Variants in MYO10 observed in about 807,000 individuals in gnomAD.
MYO10 encodes the protein unconventional myosin-X.
Under a neutral mutation model 257.3 loss-of-function variants are expected in MYO10, and 133 were observed. The observed-to-expected ratio is 0.52, with a 90% CI of 0.45 to 0.60. The LOEUF (loss-of-function observed/expected upper bound fraction) is 0.60. MYO10 is among the 20% of genes least tolerant of loss of function. The pLI, the probability that MYO10 is intolerant of heterozygous loss-of-function variation, is 0.00. For missense variants in MYO10, 2,399 were observed against 2,635.7 expected, an observed-to-expected ratio of 0.91 and a Z score of 1.97; for synonymous variants, 1,104 against 1,028.6, an observed-to-expected ratio of 1.07 and a Z score of -1.40.
rs1022247545 is a variant in MYO10 at position 16,780,829 on chromosome 5, C to T, written c.728-88G>A. On this transcript the variant is annotated intron_variant, in intron 6 of 40. Coordinates refer to ENST00000513610, the MANE Select transcript of MYO10 (RefSeq NM_012334.3). The stretch of plus-strand genomic sequence containing the variant: ...GTCTTTCATTTTCTATTCTTTGGTG[C>T]TCAAATAATTACAGTTCCCTGTTCC... 50 of 1,311,098 alleles carry T rather than the reference C, an allele frequency of 3.8e-5. No individual in the cohort carries two copies. The African/African-American group carries it at 5.5e-4, about 14-fold the overall frequency. 81.2% of individuals were successfully genotyped at this position (1,311,098 alleles called of 1,614,324 possible). A position where few individuals can be genotyped will look rare whatever the true frequency, so the allele number is the denominator to read the frequency against.
In MYO10 at chr5:16,720,053, T is replaced by C. The variant is rs1243685595; in HGVS notation, c.1930-8808A>G. Among the ~76,000 whole-genome samples the C allele has an allele frequency of 3.3e-5, 5 of 150,762 alleles. No individual in the cohort carries two copies. The East Asian group carries it at 5.8e-4, about 18-fold the overall frequency. On this transcript the variant is annotated intron_variant, in intron 19 of 40. Transcript: ENST00000513610. ...GTATGTATGTATTAGAAGCCTCCCA[T>C]AGACTAAGCACCCACACAAATAACT...
Position 16,701,369 on chromosome 5 carries a change from T to A in MYO10, c.3026A>T (p.Asn1009Ile). The change falls in exon 25 of 41, where the codon AAC becomes ATC. Residue 1009 changes from asparagine (N) to isoleucine (I), a missense_variant. This residue lies in a region of MYO10 where 1,820 missense variants were observed against 1,939.4 expected (regional missense o/e 0.94). Coordinates refer to ENST00000513610, the MANE Select transcript of MYO10 (RefSeq NM_012334.3). The surrounding 1 kb of genome is among the most constrained non-coding windows in gnomAD (Gnocchi z 8.1). ...ADDDAFKDSP[N>I]PSEHGHSDQR... ...GTCTGAGTGGCCGTGCTCGCTGGGGTTGGGGGAGTCCTTGAAGGCGTCGTC... is the reference window on the plus strand; with the variant it reads ...GTCTGAGTGGCCGTGCTCGCTGGGGATGGGGGAGTCCTTGAAGGCGTCGTC... 6.2e-7 allele frequency: 1 copy of A among 1,613,962 alleles called. No homozygotes were observed. Among genetic ancestry groups the A allele is most frequent in the Non-Finnish European group, 8.5e-7 (1 of 1,179,886 alleles).
At chr5:16,836,621 C>T (rs905016178) in intron 2 of MYO10, among the ~76,000 whole-genome samples, 1 of 152,240 alleles carries the variant, frequency 6.6e-6, no homozygotes, top group Admixed American at 6.5e-5. Context: ...TCATTCAGAG[C>T]AGTCACGTCC....
Position 16,880,048 on chromosome 5 carries a change from C to T in MYO10, c.22-2341G>A, listed in dbSNP as rs376951805. Among the ~76,000 whole-genome samples the T allele has an allele frequency of 3.9e-5, 6 of 152,116 alleles. No homozygotes were observed. The South Asian group carries it at 6.2e-4, about 16-fold the overall frequency. On this transcript the variant is annotated intron_variant, in intron 1 of 40. Transcript: ENST00000513610. ...TACAAAACTTAGCCAGACATGGTGGCGCATGCCTGTAATCCCAGCTTCTCA... is the reference window on the plus strand; with the variant it reads ...TACAAAACTTAGCCAGACATGGTGGTGCATGCCTGTAATCCCAGCTTCTCA...
intron 2 of MYO10, among the ~76,000 whole-genome samples, chr5:16,851,093 C>T (rs898875173): frequency 6.6e-6 from 1 of 152,114 alleles, no homozygotes; most frequent in African/African-American, 2.4e-5. Flanking sequence ...TGTGAGCCAC[C>T]ACACCTGGCT....
In MYO10 at chr5:16,719,458, G is replaced by A. The variant is rs186470941; in HGVS notation, c.1930-8213C>T. 6.6e-5 allele frequency among the ~76,000 whole-genome samples: 10 copies of A among 152,204 alleles called. No individual in the cohort carries two copies. In the East Asian group the frequency reaches 1.4e-3, roughly 21 times the overall value. On this transcript the variant is annotated intron_variant, in intron 19 of 40. Coordinates refer to ENST00000513610, the MANE Select transcript of MYO10 (RefSeq NM_012334.3). ...AGGATGATGCCCTGCATGTGACAACGTATATAATAACGACTGCTTCTGCTT... is the reference window on the plus strand; with the variant it reads ...AGGATGATGCCCTGCATGTGACAACATATATAATAACGACTGCTTCTGCTT...
chr5:16,758,535 G>A (rs1010076330), intron 17 of MYO10, among the ~76,000 whole-genome samples: 20 of 152,118 alleles, frequency 1.3e-4, no homozygotes, highest in African/African-American at 4.3e-4. Flanking sequence ...CTGTAGCCTC[G>A]GTCTCCTCAC....
chr5:16,854,024 G>C (rs1175952226), intron 2 of MYO10: 1 of 152,084 alleles, frequency 6.6e-6, no homozygotes, highest in African/African-American at 2.4e-5. Flanking sequence ...GAAGGTTCGT[G>C]ATCTCGTCTG....
intron 1 of MYO10, among the ~76,000 whole-genome samples, chr5:16,906,965 T>C (rs1745536158): frequency 6.6e-6 from 1 of 151,808 alleles, no homozygotes; most frequent in South Asian, 2.1e-4. Context: ...TACAAAAAAA[T>C]TAGCCAGGCA....
intron 29 of MYO10, 99 bp downstream of exon 29, chr5:16,685,639 G>A (rs1191645797): frequency 8.9e-6 from 8 of 894,462 alleles, no homozygotes; most frequent in African/African-American, 3.3e-5. Flanking sequence ...AAAAAAGACT[G>A]TCTGGAAATT....
At chr5:16,842,926 GAAA>G (rs36097603) in intron 2 of MYO10, among the ~76,000 whole-genome samples, 19,231 of 125,434 alleles carry the variant, frequency 0.15, 1,354 homozygotes, top group East Asian at 0.31. Context: ...AAAGAAAAAG[GAAA>G]AAAAAAAAAA....
At position 16,839,941 on chromosome 5, in the gene MYO10, G is replaced by T. The variant is rs1044474987; in HGVS notation, c.121-21774C>A. On this transcript the variant is annotated intron_variant, in intron 2 of 40. Transcript: ENST00000513610. ...GGGTTTGTCAGGATAGAGCCTCATT[G>T]TAAGTCGAGGGGCGTCTGTACTTTA... Among the ~76,000 whole-genome samples, 7 of 152,272 alleles carry T rather than the reference G, an allele frequency of 4.6e-5. 1 individual carries two copies. The highest frequency in any genetic ancestry group is 3.4e-3 in the Middle Eastern group (1 of 294).
chr5:16,792,134 G>C (rs7722292), intron 4 of MYO10, among the ~76,000 whole-genome samples: 5,438 of 50,912 alleles, frequency 0.11, 209 homozygotes, highest in East Asian at 0.33. Flanking sequence ...CACACACACA[G>C]AGAGAGAGAG....
At chr5:16,820,899 A>G (rs970932016) in intron 2 of MYO10, among the ~76,000 whole-genome samples, 1 of 148,550 alleles carries the variant, frequency 6.7e-6, no homozygotes, top group African/African-American at 2.4e-5. Flanking sequence ...TGTAATACAT[A>G]TATCTTATAT....
At chr5:16,731,397 G>A (rs31307) in intron 19 of MYO10, among the ~76,000 whole-genome samples, 1 of 151,650 alleles carries the variant, frequency 6.6e-6, no homozygotes, top group Non-Finnish European at 1.5e-5. Context: ...AGGCAGGAGT[G>A]CAGTCATGAG....
intron 2 of MYO10, among the ~76,000 whole-genome samples, chr5:16,835,262 G>A (rs540339229): frequency 1.3e-5 from 2 of 152,136 alleles, no homozygotes; most frequent in African/African-American, 2.4e-5. Context: ...AGGGCCTGGC[G>A]TGGTGGCTCA....
At chr5:16,912,816 A>G (rs1251049287) in intron 1 of MYO10, among the ~76,000 whole-genome samples, 1 of 143,406 alleles carries the variant, frequency 7.0e-6, no homozygotes, top group Non-Finnish European at 1.6e-5. Flanking sequence ...ACACACACAC[A>G]CACACACACA....
chr5:16,703,257 A>AG, intron 22 of MYO10, 99 bp from the exon 23 acceptor site: 2 of 896,494 alleles, frequency 2.2e-6, no homozygotes, highest in Non-Finnish European at 3.4e-6. Flanking sequence ...AAGAGGACCC[A>AG]GTTTTAGAAT....
At chr5:16,710,452 T>C (rs762467495) in intron 21 of MYO10, among the ~76,000 whole-genome samples, 6 of 152,218 alleles carry the variant, frequency 3.9e-5, no homozygotes, top group Non-Finnish European at 8.8e-5. Context: ...GACTGAGTTT[T>C]TGACAACCAG....
Sources: gnomAD v4.1 joint callset for allele counts (sites outside exome capture counted in the v4.1 genomes callset) on GRCh38, gnomAD v4.1.1 for gene constraint, gnomAD v4.1.1 regional missense constraint, Gnocchi (gnomAD v3.1) non-coding constraint, MANE v1.5 for transcripts, NCBI Gene and HGNC (gene_info 2026-07-23, HGNC 2026-07-21) for gene names.